The following ATM variants were observed in gnomAD, a reference collection of about 807,000 sequenced individuals.
ATM encodes the protein ATM serine/threonine kinase, also known as serine-protein kinase ATM.
In ATM, 308 loss-of-function variants were observed where a neutral mutation model predicts 387.0. The observed-to-expected ratio is 0.80, with a 90% confidence interval of 0.73 to 0.87. The LOEUF (loss-of-function observed/expected upper bound fraction) is 0.87. ATM is among the 40% of genes least tolerant of loss of function. The probability of loss-of-function intolerance (pLI) is 0.00; values close to 1 mark genes in which losing one functional copy is unlikely to be tolerated. For synonymous variants in ATM, 1,156 were observed against 1,187.3 expected, an observed-to-expected ratio of 0.97 and a Z score of 0.54; for missense variants, 3,312 against 3,560.9, an observed-to-expected ratio of 0.93 and a Z score of 1.78.
At chr11:108,294,117 A>G (rs997754246) in intron 31 of ATM, among the ~76,000 whole-genome samples, 5 of 151,894 alleles carry the variant, frequency 3.3e-5, no homozygotes, top group African/African-American at 1.2e-4. Context: ...ATAAGATCCT[A>G]AGGTCCACTG....
rs971613645 is a variant in ATM, at chr11:108,276,710, A to G, written c.3285-2781A>G. On this transcript the variant is annotated intron_variant, in intron 22 of 62. Coordinates refer to ENST00000675843, the MANE Select transcript of ATM (RefSeq NM_000051.4). ...CCATGGAGGCTGCAGAACAGCAAAGATTGCTGCCTGTTCCTTCCTCTGGGA... is the reference window on the plus strand; with the variant it reads ...CCATGGAGGCTGCAGAACAGCAAAGGTTGCTGCCTGTTCCTTCCTCTGGGA... Among the ~76,000 whole-genome samples, 16 of 152,220 alleles carry G rather than the reference A, an allele frequency of 1.1e-4. 1 individual carries two copies. The East Asian group carries it at 3.1e-3, about 30-fold the overall frequency.
chr11:108,261,800 A>G (rs1211278358), intron 16 of ATM, among the ~76,000 whole-genome samples: 1 of 152,216 alleles, frequency 6.6e-6, no homozygotes, highest in Non-Finnish European at 1.5e-5. Context: ...GAGCCGATGG[A>G]GCTGAAAACC....
intron 1 of ATM, 52 bp from the exon 2 acceptor site, chr11:108,227,543 T>C: frequency 8.9e-7 from 1 of 1,121,456 alleles, no homozygotes. Context: ...TTTCTCTCTA[T>C]ATATGCATAT....
Position 108,259,092 on chromosome 11 carries a change from T to C in ATM, c.2466+17T>C. 6.3e-7 allele frequency: 1 copy of C among 1,594,152 alleles called. No individual in the cohort carries two copies. Among genetic ancestry groups the C allele is most frequent in the Non-Finnish European group, 8.6e-7 (1 of 1,163,822 alleles). ...AAAAGTTTAGTAAGTATGCTTCCTG[T>C]TTTGCTATCATATTTTGATTCTAAT... is the stretch of plus-strand genomic sequence containing the variant. On this transcript the variant is annotated intron_variant, in intron 16 of 62. Coordinates refer to ENST00000675843, the MANE Select transcript of ATM (RefSeq NM_000051.4).
chr11:108,340,562 A>G (rs2087429355), intron 56 of ATM, among the ~76,000 whole-genome samples: 1 of 152,178 alleles, frequency 6.6e-6, no homozygotes, highest in South Asian at 2.1e-4. Context: ...CACCCCTGCT[A>G]TTACCACCCT....
intron 55 of ATM, 90 bp from the exon 56 acceptor site, chr11:108,335,755 G>T (rs2086768218): frequency 2.1e-6 from 2 of 961,414 alleles, no homozygotes; most frequent in Non-Finnish European, 1.6e-6. Flanking sequence ...GCTCAGATTG[G>T]TTTGAGTGCC....
At chr11:108,364,951 C>T in intron 61 of ATM, 131 bp from the exon 62 acceptor site, 4 of 956,258 alleles carry the variant, frequency 4.2e-6, no homozygotes, top group Non-Finnish European at 6.4e-6. Flanking sequence ...ATGAAGTGTG[C>T]ATGATGTTTG....
chr11:108,310,205 A>G lies in ATM; in HGVS notation c.5808A>G (p.Leu1936=). The G allele has an allele frequency of 1.9e-6, 3 of 1,613,644 alleles. No homozygotes were observed. The highest frequency in any genetic ancestry group is 2.5e-6 in the Non-Finnish European group (3 of 1,179,746). The stretch of plus-strand genomic sequence containing the variant: ...TTAATGATGCTTTCTGGCTGGATTT[A>G]AATTATCTAGAAGTTGCCAAGGTAG... The part of the protein sequence containing the change: ...TIFNDAFWLD[L]NYLEVAKVAQ... Residue 1936 remains leucine, a synonymous_variant, in exon 39 of 63, where the codon TTA becomes TTG. Coordinates refer to ENST00000675843, the MANE Select transcript of ATM (RefSeq NM_000051.4).
rs879254132 is a variant in ATM, at chr11:108,325,417, G to A, written c.6680G>A (p.Arg2227His). 5 of 1,613,466 alleles carry A rather than the reference G, an allele frequency of 3.1e-6. No homozygotes were observed. Among genetic ancestry groups the A allele is most frequent in the African/African-American group, 1.3e-5 (1 of 74,918 alleles). The stretch of plus-strand genomic sequence containing the variant: ...TTTCAGGAGCCTATCATGGCTCTAC[G>A]CACAGTCATTTTGGAGATCCTGATG... ...FSFQEPIMALRTVILEILMEK... is the reference protein window; with the variant it reads ...FSFQEPIMALHTVILEILMEK... Residue 2227 changes from arginine to histidine, a missense_variant, in exon 46 of 63, where the codon CGC becomes CAC. Coordinates refer to ENST00000675843, the MANE Select transcript of ATM (RefSeq NM_000051.4).
chr11:108,240,023 GAC>G (rs1353415813), intron 5 of ATM, among the ~76,000 whole-genome samples: 1 of 152,144 alleles, frequency 6.6e-6, no homozygotes, highest in Non-Finnish European at 1.5e-5. Flanking sequence ...AAGTCCACTG[GAC>G]ACACACAGCA....
At position 108,315,991 on chromosome 11, in the gene ATM, T is replaced by C. The variant is rs746766702; in HGVS notation, c.6096-20T>C. On this transcript the variant is annotated intron_variant, in intron 41 of 62. Transcript: ENST00000675843. ...TGTGTGTGTAAAACCCAAAGCTATT[T>C]TCACAATCTTTTCTTATAGACTACG... The C allele has an allele frequency of 3.1e-6, 5 of 1,613,298 alleles. No homozygotes were observed. In the East Asian group the frequency reaches 1.1e-4, roughly 36 times the overall value.
chr11:108,234,576 C>T (rs1320228354), intron 4 of ATM, among the ~76,000 whole-genome samples: 1 of 152,098 alleles, frequency 6.6e-6, no homozygotes, highest in African/African-American at 2.4e-5. Flanking sequence ...GTGGCTCATA[C>T]CTATAGTCTC....
Position 108,243,934 on chromosome 11 carries a change from A to AT in ATM, c.497-4dup, listed in dbSNP as rs768748099. The AT allele has an allele frequency of 0.12, 119,741 of 1,026,440 alleles. 2 individuals carry two copies. Among genetic ancestry groups the AT allele is most frequent in the Non-Finnish European group, 0.13 (95,017 of 743,022 alleles). 63.6% of individuals were successfully genotyped at this position (1,026,440 alleles called of 1,614,324 possible). A position where few individuals can be genotyped will look rare whatever the true frequency, so the allele number is the denominator to read the frequency against. ...GATTTTTAAAAAATCATGACTAATA[A>AT]TTTTTTTTTTTTTTTAAGAATTGTT... is the stretch of plus-strand genomic sequence containing the variant. On this transcript the variant is annotated intron_variant, in intron 5 of 62. Transcript: ENST00000675843.
In ATM at chr11:108,293,905, A is replaced by G. The variant is rs59754788; in HGVS notation, c.4776+428A>G. The stretch of plus-strand genomic sequence containing the variant: ...AAAAAAAAAAAAAAAATATATATAT[A>G]TATATATATATATATGTGTGTGTAT... On this transcript the variant is annotated intron_variant, in intron 31 of 62. Coordinates refer to ENST00000675843, the MANE Select transcript of ATM (RefSeq NM_000051.4). Among the ~76,000 whole-genome samples the G allele has an allele frequency of 4.8e-3, 673 of 141,268 alleles. 9 individuals are homozygous for G. Among genetic ancestry groups the G allele is most frequent in the African/African-American group, 0.016 (631 of 39,230 alleles). The allele number at this position is 141,268 out of a possible 152,430, so 92.7% of individuals were successfully genotyped here.
chr11:108,362,561 A>G (rs1305219026), intron 61 of ATM, among the ~76,000 whole-genome samples: 3 of 146,878 alleles, frequency 2.0e-5, no homozygotes, highest in African/African-American at 8.0e-5. Flanking sequence ...AATGTCCAAC[A>G]ATGATAGACT....
chr11:108,288,935 T>G, intron 27 of ATM, 42 bp from the exon 28 acceptor site: 6 of 1,612,748 alleles, frequency 3.7e-6, no homozygotes, highest in Non-Finnish European at 5.1e-6. Flanking sequence ...TGAACAAAAC[T>G]TTTTAAAACG....
intron 59 of ATM, among the ~76,000 whole-genome samples, chr11:108,348,203 AAG>A (rs1273186398): frequency 3.9e-5 from 6 of 152,042 alleles, no homozygotes; most frequent in Admixed American, 1.3e-4. Flanking sequence ...ATAAGAAAGA[AAG>A]AATATATAGC....
intron 56 of ATM, among the ~76,000 whole-genome samples, chr11:108,337,348 A>G (rs2086961295): frequency 6.6e-6 from 1 of 152,242 alleles, no homozygotes; most frequent in African/African-American, 2.4e-5. Context: ...TTAAAAAGCT[A>G]ATTAATCCTC....
rs587782163 is a variant in ATM at position 108,271,369 on chromosome 11, G to C, written c.3040G>C (p.Ala1014Pro). ...SNMDSENTRD[A>P]QGQFLTVIGA... ...TATGGACTCTGAGAACACAAGGGAT[G>C]CTCAAGGACAGTTTCTTACAGTAAT... Residue 1014 changes from alanine (A) to proline (P), a missense_variant, in exon 20 of 63, where the codon GCT becomes CCT. Ala to Pro is a conservative substitution (Grantham distance 27, BLOSUM62 -1). Around this residue, in one of 4 missense-constraint regions of ATM, gnomAD observed 1,791 missense variants for 1,804.5 expected, o/e 0.99. Transcript: ENST00000675843. 6.2e-7 allele frequency: 1 copy of C among 1,614,034 alleles called. No homozygotes were observed. The highest frequency in any genetic ancestry group is 8.5e-7 in the Non-Finnish European group (1 of 1,179,994).
Sources: allele counts gnomAD v4.1 joint callset (sites outside exome capture counted in the v4.1 genomes callset), GRCh38; gene constraint gnomAD v4.1.1; regional missense constraint gnomAD v4.1.1; transcripts MANE v1.5; gene names NCBI Gene and HGNC (gene_info 2026-07-23, HGNC 2026-07-21).